DENND1A: variants seen among roughly 807,000 people sequenced by gnomAD.
The protein encoded by DENND1A is DENN domain containing 1A, also known as DENN domain-containing protein 1A.
In DENND1A, 51 loss-of-function variants were observed where a neutral mutation model predicts 113.7. The ratio of observed to expected loss-of-function variants is 0.45; its 90% confidence interval spans 0.36 to 0.57. The LOEUF (loss-of-function observed/expected upper bound fraction) is 0.57, where lower values mean the gene tolerates loss of function less well. DENND1A is among the 20% of genes least tolerant of loss of function. The pLI is 0.00. For synonymous variants in DENND1A, 565 were observed against 570.8 expected (o/e 0.99, Z 0.14); for missense variants, 1,258 against 1,395.9 (o/e 0.90, Z 1.57).
In DENND1A at chr9:123,406,020, G is replaced by A. The variant is rs534037547; in HGVS notation, c.1543-2530C>T. Among the ~76,000 whole-genome samples, 6 of 151,108 alleles carry A rather than the reference G, an allele frequency of 4.0e-5. No individual in the cohort carries two copies. In the East Asian group the frequency reaches 9.8e-4, roughly 25 times the overall value. ...AGTTTCCAGGACAAGACAGGGAAGG[G>A]AAGCAGGCACACACTCCACTTCCTG... On this transcript the variant is annotated intron_variant, in intron 20 of 23. Transcript: ENST00000394215.
intron 5 of DENND1A, among the ~76,000 whole-genome samples, chr9:123,717,279 G>A (rs1260607793): frequency 6.6e-6 from 1 of 152,132 alleles, no homozygotes; most frequent in Non-Finnish European, 1.5e-5. Flanking sequence ...GATCACCACT[G>A]CAGTCCTGTT....
intron 12 of DENND1A, among the ~76,000 whole-genome samples, chr9:123,564,284 G>A (rs746860923): frequency 5.9e-5 from 9 of 152,232 alleles, no homozygotes; most frequent in Non-Finnish European, 1.3e-4. Context: ...TGGGGCCTGG[G>A]AGTGGATGGC....
At chr9:123,549,416 G>A (rs751156454) in intron 13 of DENND1A, among the ~76,000 whole-genome samples, 2 of 151,996 alleles carry the variant, frequency 1.3e-5, no homozygotes, top group Non-Finnish European at 2.9e-5. Context: ...CAGGGAGTGC[G>A]CACCCTCCCA....
intron 4 of DENND1A, among the ~76,000 whole-genome samples, chr9:123,765,186 G>A (rs1828578751): frequency 6.6e-6 from 1 of 152,094 alleles, no homozygotes; most frequent in African/African-American, 2.4e-5. Flanking sequence ...TACTTATGCT[G>A]TGATGGATCT....
intron 5 of DENND1A, among the ~76,000 whole-genome samples, chr9:123,695,100 C>T (rs2065427000): frequency 6.6e-6 from 1 of 152,106 alleles, no homozygotes; most frequent in Non-Finnish European, 1.5e-5. Context: ...AAACGTCAGA[C>T]TCCAAGTTCT....
In DENND1A at chr9:123,459,367, A is replaced by G. The variant is rs1369485912; in HGVS notation, c.994-1470T>C. ...GGCTGTGGGACATACTTTGAAAACC[A>G]TTTACACAGTGACCTTAAACAATAG... On this transcript the variant is annotated intron_variant, in intron 13 of 23. Transcript: ENST00000394215. 2.0e-5 allele frequency among the ~76,000 whole-genome samples: 3 copies of G among 152,188 alleles called. No homozygotes were observed. In the East Asian group the frequency reaches 5.8e-4, roughly 29 times the overall value.
chr9:123,818,384 G>A (rs966862470), intron 2 of DENND1A, among the ~76,000 whole-genome samples: 1 of 151,988 alleles, frequency 6.6e-6, no homozygotes, highest in Non-Finnish European at 1.5e-5. Flanking sequence ...GATTACAGGC[G>A]TGAGCCACCG....
intron 12 of DENND1A, among the ~76,000 whole-genome samples, chr9:123,572,572 C>T (rs577450881): frequency 1.2e-4 from 19 of 152,266 alleles, no homozygotes; most frequent in South Asian, 2.1e-4. Flanking sequence ...TCATGACTAA[C>T]GATGCGGAGT....
At chr9:123,688,912 C>T (rs2064995110) in intron 5 of DENND1A, among the ~76,000 whole-genome samples, 1 of 152,182 alleles carries the variant, frequency 6.6e-6, no homozygotes, top group African/African-American at 2.4e-5. Flanking sequence ...AAAACTCCCT[C>T]AAATTAAGGC....
At chr9:123,485,617 A>ACCGTGTGTGTGTCTGCGC (rs2050738747) in intron 13 of DENND1A, 1 of 148,372 alleles carries the variant, frequency 6.7e-6, no homozygotes. Flanking sequence ...ACCAGGGGAC[A>ACCGTGTGTGTGTCTGCGC]CCGTGTGTGT....
At chr9:123,401,000 A>T (rs566004947) in intron 21 of DENND1A, 2 of 152,176 alleles carry the variant, frequency 1.3e-5, no homozygotes, top group African/African-American at 4.8e-5. Flanking sequence ...GTGGAGATGA[A>T]GATCTGTGAT....
chr9:123,581,057 C>T (rs981051707), intron 12 of DENND1A, among the ~76,000 whole-genome samples: 8 of 152,080 alleles, frequency 5.3e-5, no homozygotes, highest in Admixed American at 1.3e-4. Flanking sequence ...ACATCCTAAA[C>T]GCAGAAGACA....
At chr9:123,652,679 C>A (rs1448751423) in intron 8 of DENND1A, among the ~76,000 whole-genome samples, 1 of 152,150 alleles carries the variant, frequency 6.6e-6, no homozygotes, top group East Asian at 1.9e-4. Flanking sequence ...TGCTGGTATC[C>A]CCTCCTTCAC....
At chr9:123,424,647 T>A (rs756429426) in intron 19 of DENND1A, among the ~76,000 whole-genome samples, 1 of 152,192 alleles carries the variant, frequency 6.6e-6, no homozygotes, top group Non-Finnish European at 1.5e-5. Context: ...CTCCCCCACC[T>A]GGGGTGGGGA....
intron 1 of DENND1A, among the ~76,000 whole-genome samples, chr9:123,891,304 T>C (rs1377560031): frequency 6.6e-6 from 1 of 152,174 alleles, no homozygotes; most frequent in Non-Finnish European, 1.5e-5. Flanking sequence ...TCATCATAGA[T>C]CACAGTCACC....
intron 9 of DENND1A, among the ~76,000 whole-genome samples, chr9:123,632,216 C>T (rs1370427814): frequency 1.3e-5 from 2 of 151,336 alleles, no homozygotes; most frequent in East Asian, 3.9e-4. Context: ...CTGACTCTTT[C>T]CTCCAGACCC....
At chr9:123,564,105 C>T (rs10986057) in intron 12 of DENND1A, among the ~76,000 whole-genome samples, 1,528 of 152,290 alleles carry the variant, frequency 0.01, 19 homozygotes, top group Non-Finnish European at 0.015. Context: ...TAGCTTACTG[C>T]TACTTCAGAA....
chr9:123,636,312 C>G (rs1297904432), intron 9 of DENND1A, among the ~76,000 whole-genome samples: 1 of 151,564 alleles, frequency 6.6e-6, no homozygotes, highest in African/African-American at 2.4e-5. Flanking sequence ...AAGACCACAT[C>G]TGATTCCTCT....
chr9:123,729,720 G>A (rs1564152867), intron 5 of DENND1A, among the ~76,000 whole-genome samples: 4 of 152,132 alleles, frequency 2.6e-5, no homozygotes, highest in African/African-American at 9.7e-5. Context: ...TCCCTATCAA[G>A]CTACCACTGA....
Sources: gnomAD v4.1 joint callset for allele counts (sites outside exome capture counted in the v4.1 genomes callset) on GRCh38, gnomAD v4.1.1 for gene constraint, MANE v1.5 for transcripts, NCBI Gene and HGNC (gene_info 2026-07-23, HGNC 2026-07-21) for gene names.